OSBPL1A: variants seen among roughly 807,000 people sequenced by gnomAD.
OSBPL1A encodes the protein oxysterol-binding protein-related protein 1.
Under a neutral mutation model 137.1 loss-of-function variants are expected in OSBPL1A, and 80 were observed. That is an observed-to-expected ratio of 0.58 (90% CI 0.49 to 0.70). The LOEUF is 0.70. Ranked by LOEUF, OSBPL1A falls within the 30% of genes least tolerant of loss-of-function variation. The pLI is 0.00. For synonymous variants in OSBPL1A, 365 were observed against 389.7 expected, an observed-to-expected ratio of 0.94 and a Z score of 0.75; for missense variants, 970 against 1,129.4, an observed-to-expected ratio of 0.86 and a Z score of 2.02.
At chr18:24,345,881 A>T (rs1242166866) in intron 4 of OSBPL1A, among the ~76,000 whole-genome samples, 1 of 152,156 alleles carries the variant, frequency 6.6e-6, no homozygotes, top group African/African-American at 2.4e-5. Flanking sequence ...TTTATGAAAA[A>T]AGGTATTTGG....
intron 2 of OSBPL1A, among the ~76,000 whole-genome samples, chr18:24,375,508 T>C (rs1906040055): frequency 6.6e-6 from 1 of 152,190 alleles, no homozygotes; most frequent in South Asian, 2.1e-4. Flanking sequence ...ATATTATGAC[T>C]TGGCTGCTAT....
intron 15 of OSBPL1A, among the ~76,000 whole-genome samples, chr18:24,251,001 T>C (rs2089071531): frequency 6.6e-6 from 1 of 152,094 alleles, no homozygotes; most frequent in African/African-American, 2.4e-5. Context: ...GTAGTGGTGC[T>C]CACAGGGAGA....
intron 18 of OSBPL1A, among the ~76,000 whole-genome samples, chr18:24,194,013 C>T (rs1365802583): frequency 6.6e-6 from 1 of 152,160 alleles, no homozygotes; most frequent in Non-Finnish European, 1.5e-5. Context: ...TGGTTAGTCT[C>T]GATTTGGACG....
intron 4 of OSBPL1A, among the ~76,000 whole-genome samples, chr18:24,361,529 G>A (rs980444801): frequency 5.3e-5 from 8 of 152,086 alleles, no homozygotes; most frequent in African/African-American, 1.9e-4. Flanking sequence ...ATGGTCTCAC[G>A]TTCAAAGTTC....
At chr18:24,253,174 G>GGGGGGC (rs1555638416) in intron 15 of OSBPL1A, among the ~76,000 whole-genome samples, 3 of 131,756 alleles carry the variant, frequency 2.3e-5, no homozygotes, top group Non-Finnish European at 4.9e-5. Context: ...TGGCGGGGGG[G>GGGGGGC]GGCGCTGAAT....
chr18:24,211,924 A>C (rs1177865499), intron 17 of OSBPL1A, among the ~76,000 whole-genome samples: 1 of 150,732 alleles, frequency 6.6e-6, no homozygotes, highest in Non-Finnish European at 1.5e-5. Flanking sequence ...AAAAAAAATC[A>C]ATGCATTCAA....
chr18:24,381,328 G>T (rs568218011), intron 1 of OSBPL1A, among the ~76,000 whole-genome samples: 2 of 152,284 alleles, frequency 1.3e-5, no homozygotes, highest in Admixed American at 1.3e-4. Flanking sequence ...GACACCACCT[G>T]GGGGATGGTG....
At chr18:24,232,945 G>A (rs567021086) in intron 16 of OSBPL1A, among the ~76,000 whole-genome samples, 19 of 152,248 alleles carry the variant, frequency 1.2e-4, no homozygotes, top group African/African-American at 4.3e-4. Context: ...GCCCATCTAC[G>A]CTATCGGATT....
chr18:24,218,772 A>G (rs539958538), intron 17 of OSBPL1A, among the ~76,000 whole-genome samples: 3 of 152,288 alleles, frequency 2.0e-5, no homozygotes, highest in African/African-American at 4.8e-5. Context: ...GTTACTAACA[A>G]TGTATTATAT....
At chr18:24,358,446 G>A in intron 4 of OSBPL1A, 1 of 702,266 alleles carries the variant, frequency 1.4e-6, no homozygotes, top group East Asian at 2.7e-5. Context: ...GCACAGGTGT[G>A]ATGCCACGAG....
At chr18:24,277,876 T>A (rs1408836349) in intron 15 of OSBPL1A, among the ~76,000 whole-genome samples, 3 of 152,238 alleles carry the variant, frequency 2.0e-5, no homozygotes, top group African/African-American at 7.2e-5. Context: ...ATGGAGTTGA[T>A]AATTTCATAT....
intron 4 of OSBPL1A, chr18:24,366,338 T>C (rs1293130857): frequency 2.6e-5 from 4 of 152,032 alleles, no homozygotes; most frequent in Non-Finnish European, 2.9e-5. Flanking sequence ...ATAGGCATGA[T>C]TGATGAAACC....
chr18:24,324,976 C>T (rs576648412), intron 7 of OSBPL1A, among the ~76,000 whole-genome samples: 29 of 151,708 alleles, frequency 1.9e-4, no homozygotes, highest in Non-Finnish European at 3.1e-4. Context: ...ATCCCAGCCA[C>T]GCGGGAGGCT....
At chr18:24,171,742 C>A (rs1417936914) in intron 22 of OSBPL1A, among the ~76,000 whole-genome samples, 1 of 152,108 alleles carries the variant, frequency 6.6e-6, no homozygotes, top group Non-Finnish European at 1.5e-5. Context: ...GGGAGCCCAG[C>A]TCTTTCTAGT....
intron 15 of OSBPL1A, among the ~76,000 whole-genome samples, chr18:24,265,463 G>A (rs989373538): frequency 1.3e-5 from 2 of 152,168 alleles, no homozygotes; most frequent in Non-Finnish European, 2.9e-5. Context: ...CTGGGCGACA[G>A]AGTGATACTC....
chr18:24,268,140 G>A (rs770086529), intron 15 of OSBPL1A, among the ~76,000 whole-genome samples: 1 of 151,918 alleles, frequency 6.6e-6, no homozygotes, highest in Admixed American at 6.6e-5. Context: ...TTTTGAGACA[G>A]GGTCTCACTC....
chr18:24,199,407 C>T (rs1233614070), intron 17 of OSBPL1A, among the ~76,000 whole-genome samples: 2 of 151,922 alleles, frequency 1.3e-5, no homozygotes, highest in Non-Finnish European at 2.9e-5. Context: ...AGCTGCTATG[C>T]ACTTCAGCCT....
At chr18:24,308,764 A>G (rs537963199) in intron 13 of OSBPL1A, among the ~76,000 whole-genome samples, 6 of 149,958 alleles carry the variant, frequency 4.0e-5, no homozygotes, top group Admixed American at 2.0e-4. Context: ...GTTAAAATGA[A>G]CAACTGAATT....
intron 14 of OSBPL1A, among the ~76,000 whole-genome samples, chr18:24,294,141 A>G (rs1410199803): frequency 6.6e-6 from 1 of 152,000 alleles, no homozygotes; most frequent in African/African-American, 2.4e-5. Context: ...GGTTACATGC[A>G]TAAGTTCCTT....
Sources: allele counts gnomAD v4.1 joint callset (sites outside exome capture counted in the v4.1 genomes callset), GRCh38; gene constraint gnomAD v4.1.1; transcripts MANE v1.5; gene names NCBI Gene and HGNC (gene_info 2026-07-23, HGNC 2026-07-21).